CSMD1: variants seen among roughly 807,000 people sequenced by gnomAD.
CSMD1 encodes the protein CUB and sushi domain-containing protein 1.
Under a neutral mutation model 417.5 loss-of-function variants are expected in CSMD1, and 213 were observed. That is an observed-to-expected ratio of 0.51 (90% CI 0.46 to 0.57). The LOEUF (loss-of-function observed/expected upper bound fraction) is 0.57, where lower values mean the gene tolerates loss of function less well. CSMD1 is among the 20% of genes least tolerant of loss of function. The probability of loss-of-function intolerance (pLI) is 0.00; values close to 1 mark genes in which losing one functional copy is unlikely to be tolerated. For synonymous variants in CSMD1, 2,862 were observed against 1,736.8 expected (o/e 1.65, Z -16.11); for missense variants, 6,923 against 4,529.7 (o/e 1.53, Z -15.17).
chr8:3,127,579 CA>C (rs1200553328), intron 41 of CSMD1: 2 of 152,100 alleles, frequency 1.3e-5, no homozygotes, highest in African/African-American at 4.8e-5. Flanking sequence ...ACATAAAATT[CA>C]GCAGTTTTAT....
At chr8:3,807,165 A>G (rs1800789071) in intron 5 of CSMD1, among the ~76,000 whole-genome samples, 1 of 152,102 alleles carries the variant, frequency 6.6e-6, no homozygotes, top group Admixed American at 6.6e-5. Context: ...ACAGCCTTTA[A>G]TTTTCTCTTG....
intron 1 of CSMD1, among the ~76,000 whole-genome samples, chr8:4,643,673 G>C (rs1020853439): frequency 6.6e-6 from 1 of 152,184 alleles, no homozygotes; most frequent in African/African-American, 2.4e-5. Flanking sequence ...GGAAGTGGAA[G>C]TTTCCCTGAT....
In CSMD1 at chr8:3,539,481, C is replaced by G. The variant is rs1353820786; in HGVS notation, c.1344+35464G>C. On this transcript the variant is annotated intron_variant, in intron 10 of 69. Transcript: ENST00000635120. ...GTGTTCTAATCTGCATCTCCAGAGC[C>G]TAAAACACAGCTACACATGTGCATT... Among the ~76,000 whole-genome samples, 3 of 152,232 alleles carry G rather than the reference C, an allele frequency of 2.0e-5. No homozygotes were observed. The East Asian group carries it at 5.8e-4, about 29-fold the overall frequency.
chr8:3,859,604 T>A (rs1246291829), intron 5 of CSMD1, among the ~76,000 whole-genome samples: 1 of 152,080 alleles, frequency 6.6e-6, no homozygotes, highest in Non-Finnish European at 1.5e-5. Flanking sequence ...CCAACCATGT[T>A]ATTTATGGTG....
intron 5 of CSMD1, among the ~76,000 whole-genome samples, chr8:3,901,146 G>A (rs1028122501): frequency 4.1e-4 from 62 of 152,290 alleles, no homozygotes; most frequent in African/African-American, 1.2e-3. Flanking sequence ...ACTGATAACC[G>A]TGGAGAAATA....
intron 23 of CSMD1, among the ~76,000 whole-genome samples, chr8:3,317,218 G>C (rs1160775533): frequency 6.6e-6 from 1 of 152,122 alleles, no homozygotes; most frequent in South Asian, 2.1e-4. Flanking sequence ...TATTAACCCA[G>C]AAAAGGAATA....
At chr8:3,493,174 A>G (rs2117300378) in intron 11 of CSMD1, among the ~76,000 whole-genome samples, 1 of 151,854 alleles carries the variant, frequency 6.6e-6, no homozygotes, top group East Asian at 2.0e-4. Context: ...CACACCTGTA[A>G]TCCCAGCTAC....
intron 3 of CSMD1, among the ~76,000 whole-genome samples, chr8:4,403,295 C>T (rs898589474): frequency 1.3e-5 from 2 of 152,244 alleles, no homozygotes; most frequent in African/African-American, 2.4e-5. Flanking sequence ...TCTCTTCATT[C>T]CCCCTTTCTA....
At chr8:3,282,646 C>G (rs542565169) in intron 26 of CSMD1, among the ~76,000 whole-genome samples, 26 of 152,222 alleles carry the variant, frequency 1.7e-4, no homozygotes, top group African/African-American at 5.5e-4. Flanking sequence ...TGTGAAGGAC[C>G]AGTGAAAATT....
intron 54 of CSMD1, among the ~76,000 whole-genome samples, chr8:2,990,272 G>A (rs1243766245): frequency 1.3e-5 from 2 of 152,186 alleles, no homozygotes; most frequent in African/African-American, 2.4e-5. Flanking sequence ...ATAGTTTCTT[G>A]TAGATGTGCG....
chr8:4,130,380 G>C (rs944420789), intron 3 of CSMD1, among the ~76,000 whole-genome samples: 3 of 152,056 alleles, frequency 2.0e-5, no homozygotes, highest in Admixed American at 6.6e-5. Flanking sequence ...CTAATTCCTT[G>C]TAAAATATAC....
At chr8:3,433,098 G>A (rs575042284) in intron 12 of CSMD1, among the ~76,000 whole-genome samples, 18 of 152,232 alleles carry the variant, frequency 1.2e-4, no homozygotes, top group South Asian at 1.0e-3. Context: ...CAAGAAATAC[G>A]TTTTATACAG....
intron 2 of CSMD1, among the ~76,000 whole-genome samples, chr8:4,425,688 T>G (rs972063355): frequency 2.0e-5 from 3 of 152,108 alleles, no homozygotes. Flanking sequence ...TATAAGCAAC[T>G]GGCTTATTTT....
intron 5 of CSMD1, among the ~76,000 whole-genome samples, chr8:3,842,157 G>C (rs1313475365): frequency 1.3e-5 from 2 of 152,008 alleles, no homozygotes; most frequent in Admixed American, 6.6e-5. Flanking sequence ...ACAACCTCAG[G>C]TTTTCTTAAA....
At chr8:3,960,056 G>C (rs1228043786) in intron 5 of CSMD1, among the ~76,000 whole-genome samples, 1 of 152,204 alleles carries the variant, frequency 6.6e-6, no homozygotes, top group Non-Finnish European at 1.5e-5. Flanking sequence ...CAGGGAATGT[G>C]TTTCAGGATG....
intron 1 of CSMD1, among the ~76,000 whole-genome samples, chr8:4,792,142 T>C (rs1381875300): frequency 6.6e-6 from 1 of 152,182 alleles, no homozygotes; most frequent in African/African-American, 2.4e-5. Context: ...CTTATTTTAT[T>C]CTTTCCTTCC....
chr8:3,788,274 C>A (rs1312774354), intron 5 of CSMD1, among the ~76,000 whole-genome samples: 1 of 152,140 alleles, frequency 6.6e-6, no homozygotes, highest in African/African-American at 2.4e-5. Flanking sequence ...AGTTTTCTTT[C>A]TTAAGGAACT....
At chr8:3,375,677 C>G (rs894947427) in intron 18 of CSMD1, among the ~76,000 whole-genome samples, 3 of 152,132 alleles carry the variant, frequency 2.0e-5, no homozygotes, top group African/African-American at 7.2e-5. Flanking sequence ...GGCAGTCCAG[C>G]TGCATAGGAG....
chr8:4,275,550 A>G (rs1303857832), intron 3 of CSMD1, among the ~76,000 whole-genome samples: 3 of 152,306 alleles, frequency 2.0e-5, no homozygotes, highest in Admixed American at 6.5e-5. Context: ...GTGAACTTCC[A>G]AAACTTCTGA....
Sources: gnomAD v4.1 joint callset for allele counts (sites outside exome capture counted in the v4.1 genomes callset) on GRCh38, gnomAD v4.1.1 for gene constraint, MANE v1.5 for transcripts, NCBI Gene and HGNC (gene_info 2026-07-23, HGNC 2026-07-21) for gene names.